Variants in NR3C2 observed in about 807,000 individuals in gnomAD.
NR3C2 encodes the protein nuclear receptor subfamily 3 group C member 2.
NR3C2 carries 15 observed loss-of-function variants against 86.4 expected under a neutral mutation model. That is an observed-to-expected ratio of 0.17 (90% confidence interval 0.12 to 0.27). The LOEUF (loss-of-function observed/expected upper bound fraction) is 0.27. Ranked by LOEUF, NR3C2 falls within the 10% of genes least tolerant of loss-of-function variation. The probability of loss-of-function intolerance (pLI) is 1.00; values close to 1 mark genes in which losing one functional copy is unlikely to be tolerated. For synonymous variants in NR3C2, 458 were observed against 450.5 expected (o/e 1.02, Z -0.21); for missense variants, 960 against 1,195.6 (o/e 0.80, Z 2.91).
At chr4:148,426,165 A>T (rs1157075136) in intron 2 of NR3C2, among the ~76,000 whole-genome samples, 2 of 152,142 alleles carry the variant, frequency 1.3e-5, no homozygotes, top group Admixed American at 6.5e-5. Flanking sequence ...TGACAAAGCA[A>T]ATATACTCCC....
intron 6 of NR3C2, among the ~76,000 whole-genome samples, chr4:148,133,146 T>G (rs918297494): frequency 1.9e-4 from 28 of 148,496 alleles, no homozygotes; most frequent in Non-Finnish European, 2.7e-4. Flanking sequence ...TGAGCCATGA[T>G]AGGGCCACTG....
At chr4:148,332,475 T>C (rs910058199) in intron 2 of NR3C2, among the ~76,000 whole-genome samples, 15 of 152,242 alleles carry the variant, frequency 9.9e-5, no homozygotes, top group African/African-American at 3.6e-4. Context: ...TCCCTCCCAT[T>C]TATCAAGTTT....
intron 2 of NR3C2, among the ~76,000 whole-genome samples, chr4:148,282,161 C>G (rs973753813): frequency 6.6e-6 from 1 of 152,148 alleles, no homozygotes; most frequent in African/African-American, 2.4e-5. Flanking sequence ...TCCACAGTAG[C>G]TGGGACTACA....
chr4:148,154,058 G>C lies in NR3C2; in HGVS notation c.2365+493C>G, dbSNP rs1734230195. On this transcript the variant is annotated intron_variant, in intron 5 of 8. Coordinates refer to ENST00000358102, the MANE Select transcript of NR3C2 (RefSeq NM_000901.5). ...GAGTCTCACTCTGTTGCTCAGGCTGGAGTATAGTGGTGGGATCTCGGCTCA... is the reference window on the plus strand; with the variant it reads ...GAGTCTCACTCTGTTGCTCAGGCTGCAGTATAGTGGTGGGATCTCGGCTCA... Among the ~76,000 whole-genome samples the C allele has an allele frequency of 3.3e-5, 5 of 151,658 alleles. 1 individual carries two copies. In the Middle Eastern group the frequency reaches 0.01, roughly 310 times the overall value.
chr4:148,274,504 T>C (rs888118026), intron 2 of NR3C2, among the ~76,000 whole-genome samples: 4 of 151,968 alleles, frequency 2.6e-5, no homozygotes, highest in Admixed American at 2.0e-4. Context: ...TCATGAGAGC[T>C]GATGGTTTAA....
At chr4:148,443,222 CAAAAAAAAAAAAAAAAAAA>C (rs59506438), upstream of NR3C2, among the ~76,000 whole-genome samples, 221 of 41,050 alleles carry the variant, frequency 5.4e-3, 3 homozygotes, top group African/African-American at 0.026. Context: ...CCCCTAACAC[CAAAAAAAAAAAAAAAAAAA>C]AAAAAAAAAA....
At chr4:148,177,764 G>T (rs989483253) in intron 4 of NR3C2, among the ~76,000 whole-genome samples, 9 of 152,112 alleles carry the variant, frequency 5.9e-5, no homozygotes, top group African/African-American at 2.2e-4. Context: ...ATGCTTGGTT[G>T]TAAGTGGTCT....
chr4:148,429,807 C>T (rs1749716953), intron 2 of NR3C2, among the ~76,000 whole-genome samples: 1 of 152,046 alleles, frequency 6.6e-6, no homozygotes, highest in African/African-American at 2.4e-5. Flanking sequence ...AAGTTAATGG[C>T]TATATTTAAA....
chr4:148,407,835 A>G (rs1560715409), intron 2 of NR3C2, among the ~76,000 whole-genome samples: 1 of 152,176 alleles, frequency 6.6e-6, no homozygotes, highest in African/African-American at 2.4e-5. Flanking sequence ...ACTATTTACT[A>G]CTGGAATGAT....
intron 2 of NR3C2, among the ~76,000 whole-genome samples, chr4:148,313,210 T>C (rs551688511): frequency 2.0e-5 from 3 of 152,318 alleles, no homozygotes; most frequent in South Asian, 2.1e-4. Flanking sequence ...GTGAGGATTA[T>C]GCAGACTTAT....
chr4:148,397,698 A>G (rs1363562551), intron 2 of NR3C2, among the ~76,000 whole-genome samples: 1 of 152,168 alleles, frequency 6.6e-6, no homozygotes, highest in Admixed American at 6.5e-5. Flanking sequence ...TATAAATGTG[A>G]ATAGTTCTTC....
chr4:148,327,881 C>G (rs1744045438), intron 2 of NR3C2, among the ~76,000 whole-genome samples: 1 of 152,326 alleles, frequency 6.6e-6, no homozygotes, highest in South Asian at 2.1e-4. Flanking sequence ...TACAGCTTAA[C>G]CAGACAGCAT....
At chr4:148,375,779 C>T (rs1246653448) in intron 2 of NR3C2, among the ~76,000 whole-genome samples, 1 of 152,140 alleles carries the variant, frequency 6.6e-6, no homozygotes, top group East Asian at 1.9e-4. Context: ...CTTCCCTGTG[C>T]CTCTTTTCAA....
intron 2 of NR3C2, among the ~76,000 whole-genome samples, chr4:148,371,865 T>A (rs1561069986): frequency 6.6e-6 from 1 of 152,156 alleles, no homozygotes; most frequent in Non-Finnish European, 1.5e-5. Flanking sequence ...AGTATAAAAT[T>A]AGAATGAGTA....
At chr4:148,188,281 C>T (rs958108794) in intron 4 of NR3C2, among the ~76,000 whole-genome samples, 4 of 151,994 alleles carry the variant, frequency 2.6e-5, no homozygotes, top group South Asian at 2.1e-4. Flanking sequence ...ATGGGGATTG[C>T]GTTGAATTTG....
chr4:148,124,771 T>C (rs1732670322), intron 6 of NR3C2, among the ~76,000 whole-genome samples: 1 of 152,202 alleles, frequency 6.6e-6, no homozygotes, highest in East Asian at 1.9e-4. Context: ...CTTTCATATC[T>C]TCTCACTTTT....
intron 2 of NR3C2, among the ~76,000 whole-genome samples, chr4:148,290,924 TTTATAATCACCTG>T (rs1343757186): frequency 6.6e-6 from 1 of 152,186 alleles, no homozygotes; most frequent in African/African-American, 2.4e-5. Flanking sequence ...CAGTTTTAGA[TTTATAATCACCTG>T]TTAGAATGAG....
intron 2 of NR3C2, among the ~76,000 whole-genome samples, chr4:148,343,779 A>T (rs2149984138): frequency 6.6e-6 from 1 of 152,228 alleles, no homozygotes; most frequent in South Asian, 2.1e-4. Context: ...ACACTCGAAA[A>T]AAATTGCAAA....
At chr4:148,277,108 G>A (rs1426275497) in intron 2 of NR3C2, among the ~76,000 whole-genome samples, 4 of 151,886 alleles carry the variant, frequency 2.6e-5, no homozygotes, top group African/African-American at 9.7e-5. Flanking sequence ...AATATTTTAC[G>A]GGAACTGGAT....
Sources: gnomAD v4.1 joint callset for allele counts (sites outside exome capture counted in the v4.1 genomes callset) on GRCh38, gnomAD v4.1.1 for gene constraint, MANE v1.5 for transcripts, NCBI Gene and HGNC (gene_info 2026-07-23, HGNC 2026-07-21) for gene names.